Variants in AFG2A observed in about 807,000 individuals in gnomAD.
AFG2A encodes the protein ATPase family gene 2 protein homolog A.
chr4:123,033,038 T>G, the AFG2A span, among the ~76,000 whole-genome samples: 1 of 152,258 alleles, frequency 6.6e-6, no homozygotes, highest in African/African-American at 2.4e-5. Flanking sequence ...CATCTGTAAT[T>G]ACTATTTGTC....
chr4:123,232,864 T>A, the AFG2A span, among the ~76,000 whole-genome samples: 1 of 152,002 alleles, frequency 6.6e-6, no homozygotes, highest in East Asian at 1.9e-4. Context: ...TAAAACATAC[T>A]ATTAAAGCTA....
the AFG2A span, among the ~76,000 whole-genome samples, chr4:123,183,962 A>G: frequency 6.6e-6 from 1 of 151,700 alleles, no homozygotes; most frequent in Admixed American, 6.6e-5. Flanking sequence ...TCATTCATTC[A>G]TTCATTCATT....
chr4:123,249,420 GTGAGAAA>G, the AFG2A span, among the ~76,000 whole-genome samples: 4 of 152,088 alleles, frequency 2.6e-5, no homozygotes, highest in Admixed American at 6.6e-5. Flanking sequence ...TTCTCACAGG[GTGAGAAA>G]TGCTATACTT....
the AFG2A span, among the ~76,000 whole-genome samples, chr4:123,292,170 T>G: frequency 2.6e-5 from 4 of 152,214 alleles, no homozygotes; most frequent in African/African-American, 9.6e-5. Flanking sequence ...TTTAAAACTT[T>G]GCATTGCATT....
the AFG2A span, among the ~76,000 whole-genome samples, chr4:123,232,364 A>G: frequency 6.6e-6 from 1 of 152,010 alleles, no homozygotes; most frequent in East Asian, 1.9e-4. Context: ...GAGAAATAAG[A>G]GGTATAATGT....
At chr4:123,034,326 GATA>G in the AFG2A span, among the ~76,000 whole-genome samples, 1 of 151,974 alleles carries the variant, frequency 6.6e-6, no homozygotes, top group East Asian at 1.9e-4. Flanking sequence ...ATAATGTGGT[GATA>G]ATAGCACTTT....
chr4:123,033,705 A>G, the AFG2A span, among the ~76,000 whole-genome samples: 1 of 152,218 alleles, frequency 6.6e-6, no homozygotes, highest in Non-Finnish European at 1.5e-5. Flanking sequence ...TGTCACGATG[A>G]AAAGAACACT....
chr4:123,225,425 A>G, the AFG2A span, among the ~76,000 whole-genome samples: 1 of 152,310 alleles, frequency 6.6e-6, no homozygotes, highest in Admixed American at 6.5e-5. Flanking sequence ...AGCTTTCTAC[A>G]TATGGCTAGC....
the AFG2A span, among the ~76,000 whole-genome samples, chr4:123,251,178 T>A: frequency 6.6e-6 from 1 of 152,202 alleles, no homozygotes; most frequent in East Asian, 1.9e-4. Context: ...TCCTTTGCTG[T>A]GTTCTTTCAA....
At chr4:123,083,270 T>C in the AFG2A span, among the ~76,000 whole-genome samples, 1 of 152,204 alleles carries the variant, frequency 6.6e-6, no homozygotes, top group African/African-American at 2.4e-5. Context: ...AGGTTTTTTG[T>C]AGCTGTTCCT....
the AFG2A span, chr4:122,938,068 A>G: frequency 6.9e-7 from 1 of 1,455,118 alleles, no homozygotes; most frequent in Non-Finnish European, 9.1e-7. Flanking sequence ...AATTAAAACT[A>G]AGTAAAACTT....
the AFG2A span, among the ~76,000 whole-genome samples, chr4:123,169,374 T>C: frequency 6.6e-6 from 1 of 152,242 alleles, no homozygotes; most frequent in African/African-American, 2.4e-5. Flanking sequence ...GCCTATATTT[T>C]AAACTATTAA....
the AFG2A span, among the ~76,000 whole-genome samples, chr4:123,058,453 T>G: frequency 1.3e-5 from 2 of 152,130 alleles, no homozygotes; most frequent in East Asian, 3.9e-4. Flanking sequence ...GGTGAAACGC[T>G]GTCTCTACTA....
chr4:123,112,250 A>C, the AFG2A span, among the ~76,000 whole-genome samples: 1 of 152,172 alleles, frequency 6.6e-6, no homozygotes, highest in South Asian at 2.1e-4. Context: ...CCTTTCTATA[A>C]TTGTCAAAAA....
At chr4:122,969,900 C>A in the AFG2A span, among the ~76,000 whole-genome samples, 3 of 152,164 alleles carry the variant, frequency 2.0e-5, no homozygotes, top group Admixed American at 1.3e-4. Flanking sequence ...TAGTCACGGA[C>A]TGCATAACGA....
chr4:123,019,657 C>G, the AFG2A span, among the ~76,000 whole-genome samples: 3 of 152,098 alleles, frequency 2.0e-5, no homozygotes, highest in Non-Finnish European at 4.4e-5. Flanking sequence ...AATTATAAAG[C>G]TGTTTTTCAG....
chr4:123,011,306 C>CT, the AFG2A span, among the ~76,000 whole-genome samples: 1 of 152,204 alleles, frequency 6.6e-6, no homozygotes, highest in Non-Finnish European at 1.5e-5. Context: ...GCAGAGTAGG[C>CT]TTTTTATTTC....
chr4:123,310,559 G>T, the AFG2A span, among the ~76,000 whole-genome samples: 1 of 152,054 alleles, frequency 6.6e-6, no homozygotes, highest in African/African-American at 2.4e-5. Flanking sequence ...CTCCCTGAAA[G>T]TACTTCTAAT....
At chr4:123,194,567 G>C in the AFG2A span, among the ~76,000 whole-genome samples, 6 of 152,088 alleles carry the variant, frequency 3.9e-5, no homozygotes, top group Non-Finnish European at 8.8e-5. Flanking sequence ...AAGCAAATCT[G>C]TCTTAATGAG....
Sources: allele counts gnomAD v4.1 joint callset (sites outside exome capture counted in the v4.1 genomes callset), GRCh38; gene constraint gnomAD v4.1.1; transcripts MANE v1.5; gene names NCBI Gene and HGNC (gene_info 2026-07-23, HGNC 2026-07-21).